EDA: variants seen among roughly 807,000 people sequenced by gnomAD.
The protein encoded by EDA is ectodysplasin A.
A neutral mutation model predicts 23.6 loss-of-function variants in EDA; 2 were observed. The observed-to-expected ratio is 0.08, with a 90% confidence interval of 0.03 to 0.27. EDA has a LOEUF of 0.27. EDA is among the 10% of genes least tolerant of loss of function. EDA has a pLI of 1.00. For synonymous variants in EDA, 131 were observed against 132.0 expected (o/e 0.99, Z 0.05); for missense variants, 229 against 324.2 (o/e 0.71, Z 2.26).
chrX:69,624,298 A>G (rs1932293079), intron 1 of EDA, among the ~76,000 whole-genome samples: 1 of 111,681 alleles, frequency 9.0e-6, no homozygotes, highest in Non-Finnish European at 1.9e-5. Flanking sequence ...TTTGGTTCTC[A>G]GCCAAACTCT....
At chrX:69,806,279 C>A (rs2015813343) in intron 1 of EDA, among the ~76,000 whole-genome samples, 1 of 111,454 alleles carries the variant, frequency 9.0e-6, no homozygotes, top group Admixed American at 9.6e-5. Flanking sequence ...TTTAGATTTT[C>A]TTTTTTATAT....
In EDA at chrX:69,982,018, G is replaced by A. The variant is rs377106109; in HGVS notation, c.502+24886G>A. Among the ~76,000 whole-genome samples, 19 of 111,508 alleles carry A rather than the reference G, an allele frequency of 1.7e-4. No homozygotes were observed. In the South Asian group the frequency reaches 3.8e-3, roughly 22 times the overall value. On this transcript the variant is annotated intron_variant, in intron 2 of 7. Coordinates refer to ENST00000374552, the MANE Select transcript of EDA (RefSeq NM_001399.5). ...TGGTTGGAGGAGAGGGGAAGGGGGCGTTTAAGGACCAGAAAATGGCATCTA... is the reference window on the plus strand; with the variant it reads ...TGGTTGGAGGAGAGGGGAAGGGGGCATTTAAGGACCAGAAAATGGCATCTA...
chrX:69,885,584 C>T (rs2017814947), intron 1 of EDA, among the ~76,000 whole-genome samples: 1 of 112,052 alleles, frequency 8.9e-6, no homozygotes, highest in Admixed American at 9.5e-5. Context: ...GGATGCTGTT[C>T]ATATTTCTCC....
At chrX:69,696,923 T>C (rs1279510717) in intron 1 of EDA, among the ~76,000 whole-genome samples, 1 of 112,541 alleles carries the variant, frequency 8.9e-6, no homozygotes, top group African/African-American at 3.2e-5. Flanking sequence ...AGACATTTCA[T>C]GAATATGTAT....
At chrX:69,961,535 C>G (rs886833729) in intron 2 of EDA, among the ~76,000 whole-genome samples, 11 of 111,673 alleles carry the variant, frequency 9.9e-5, no homozygotes, top group Middle Eastern at 4.6e-3. Context: ...AAGTCAGTGG[C>G]AATATCCAGG....
At chrX:69,713,050 C>A (rs986436595) in intron 1 of EDA, among the ~76,000 whole-genome samples, 3 of 81,310 alleles carry the variant, frequency 3.7e-5, no homozygotes, top group African/African-American at 1.5e-4. Flanking sequence ...ACATCACACA[C>A]CGGGGCCTGT....
At chrX:69,837,965 TATAA>T (rs2016815480) in intron 1 of EDA, among the ~76,000 whole-genome samples, 2 of 112,489 alleles carry the variant, frequency 1.8e-5, no homozygotes, top group African/African-American at 6.5e-5. Flanking sequence ...TTTCAGACAT[TATAA>T]AGATGTTGGA....
chrX:70,006,472 T>C (rs1279791279), intron 2 of EDA, among the ~76,000 whole-genome samples: 1 of 112,206 alleles, frequency 8.9e-6, no homozygotes, highest in Non-Finnish European at 1.9e-5. Flanking sequence ...CTGATGACAA[T>C]GGTGTTGAGC....
chrX:69,714,157 C>T (rs188220550), intron 1 of EDA, among the ~76,000 whole-genome samples: 4 of 110,931 alleles, frequency 3.6e-5, no homozygotes, highest in Non-Finnish European at 7.6e-5. Context: ...TTTAATTTCC[C>T]TGATGGCTAA....
At chrX:69,968,926 G>A (rs775919734) in intron 2 of EDA, among the ~76,000 whole-genome samples, 26 of 112,340 alleles carry the variant, frequency 2.3e-4, no homozygotes, top group African/African-American at 8.1e-4. Context: ...TACCAAGGAC[G>A]CTTTGCTGTA....
chrX:69,949,887 T>C (rs55836363), intron 1 of EDA, among the ~76,000 whole-genome samples: 35,492 of 110,404 alleles, frequency 0.32, 4,532 homozygotes, highest in Middle Eastern at 0.5. Flanking sequence ...TGGCTAGCCA[T>C]ATGTAGAAAC....
intron 1 of EDA, among the ~76,000 whole-genome samples, chrX:69,781,639 T>C (rs2014947767): frequency 1.8e-5 from 2 of 111,613 alleles, no homozygotes; most frequent in African/African-American, 3.2e-5. Flanking sequence ...TGGTGAAGTA[T>C]GCTAATTACA....
At chrX:69,725,115 C>T (rs2012742297) in intron 1 of EDA, among the ~76,000 whole-genome samples, 1 of 112,103 alleles carries the variant, frequency 8.9e-6, no homozygotes. Flanking sequence ...TTGTTAAATT[C>T]TCCACAGATC....
intron 2 of EDA, among the ~76,000 whole-genome samples, chrX:69,999,677 G>A (rs181106424): frequency 1.0e-4 from 11 of 108,541 alleles, no homozygotes; most frequent in South Asian, 4.0e-4. Context: ...GGCCCAAATC[G>A]AGATATTACA....
At chrX:69,804,998 A>G (rs5936755) in intron 1 of EDA, among the ~76,000 whole-genome samples, 8,394 of 111,231 alleles carry the variant, frequency 0.075, 255 homozygotes, top group Middle Eastern at 0.093. Flanking sequence ...GCCCAAGGTC[A>G]TAAAGTAGCA....
At chrX:69,898,681 A>G (rs2018055592) in intron 1 of EDA, among the ~76,000 whole-genome samples, 1 of 112,436 alleles carries the variant, frequency 8.9e-6, no homozygotes, top group Non-Finnish European at 1.9e-5. Context: ...ATATCTGAAT[A>G]TGTTTATATA....
chrX:69,960,461 G>C (rs1463738855), intron 2 of EDA, among the ~76,000 whole-genome samples: 1 of 111,279 alleles, frequency 9.0e-6, no homozygotes, highest in Non-Finnish European at 1.9e-5. Flanking sequence ...AGTTAGGCTT[G>C]TTAAATTTGA....
chrX:69,651,921 T>G (rs1933119702), intron 1 of EDA, among the ~76,000 whole-genome samples: 1 of 109,865 alleles, frequency 9.1e-6, no homozygotes, highest in Non-Finnish European at 1.9e-5. Flanking sequence ...ACCTGATGAA[T>G]TTGGTGGTGG....
At chrX:70,016,609 C>T (rs1270945722) in intron 2 of EDA, among the ~76,000 whole-genome samples, 1 of 111,688 alleles carries the variant, frequency 9.0e-6, no homozygotes, top group Non-Finnish European at 1.9e-5. Flanking sequence ...ATACAAATAA[C>T]CTGCTCCTGA....
Sources: allele counts gnomAD v4.1 joint callset (sites outside exome capture counted in the v4.1 genomes callset), GRCh38; gene constraint gnomAD v4.1.1; transcripts MANE v1.5; gene names NCBI Gene and HGNC (gene_info 2026-07-23, HGNC 2026-07-21).